The following C10orf67 variants were observed in gnomAD, a reference collection of about 807,000 sequenced individuals.
C10orf67 encodes uncharacterized protein C10orf67, mitochondrial.
Under a neutral mutation model 35.6 loss-of-function variants are expected in C10orf67, and 60 were observed. The observed-to-expected ratio is 1.68, with a 90% confidence interval of 1.37 to 2.09. The LOEUF (loss-of-function observed/expected upper bound fraction) is 2.09, where lower values mean the gene tolerates loss of function less well. C10orf67 is among the 30% of genes most tolerant of loss of function. The pLI is 0.00. For missense variants in C10orf67, 474 were observed against 330.2 expected (o/e 1.44, Z -3.38); for synonymous variants, 167 against 115.8 (o/e 1.44, Z -2.84).
chr10:23,211,229 T>C (rs373554773), intron 15 of C10orf67, among the ~76,000 whole-genome samples: 2 of 152,162 alleles, frequency 1.3e-5, no homozygotes, highest in East Asian at 3.8e-4. Flanking sequence ...ATCCTTGGCA[T>C]TCCTTGGCTT....
chr10:23,330,226 G>A (rs1845394718), intron 2 of C10orf67, among the ~76,000 whole-genome samples: 1 of 152,222 alleles, frequency 6.6e-6, no homozygotes, highest in African/African-American at 2.4e-5. Context: ...GGGAGGCCAA[G>A]GCAGGAGGAT....
At position 23,266,425 on chromosome 10, in the gene C10orf67, A is replaced by G. The variant is rs1235712441; in HGVS notation, c.1037T>C (p.Val346Ala). The G allele has an allele frequency of 5.0e-6, 2 of 398,500 alleles. No individual in the cohort carries two copies. Among genetic ancestry groups the G allele is most frequent in the Non-Finnish European group, 8.8e-6 (2 of 226,030 alleles). The allele number at this position is 398,500 out of a possible 1,614,324, so 24.7% of individuals were successfully genotyped here. A position where few individuals can be genotyped will look rare whatever the true frequency, so the allele number is the denominator to read the frequency against. ...TTCTCTCCCCTTGGCTGATCTTGCA[A>G]CCTGCCACACAAAAAGACACAACTT... ...RKKYGSLSVK[V>A]ARSAKGREAS... The change falls in exon 10 of 16, where the codon GTT becomes GCT. Residue 346 changes from valine to alanine, a missense_variant and splice_region_variant. Val to Ala is a moderately conservative substitution (Grantham distance 64, BLOSUM62 0). Coordinates refer to ENST00000636213, the MANE Select transcript of C10orf67 (RefSeq NM_001371909.1).
intron 2 of C10orf67, among the ~76,000 whole-genome samples, chr10:23,324,381 T>C (rs1025037823): frequency 1.3e-5 from 2 of 152,136 alleles, no homozygotes; most frequent in Non-Finnish European, 2.9e-5. Context: ...AGGGGTCCTT[T>C]GTTCTTCCAG....
chr10:23,323,894 AATATATAT>A (rs137983793), intron 2 of C10orf67, among the ~76,000 whole-genome samples: 518 of 42,690 alleles, frequency 0.012, 15 homozygotes, highest in Admixed American at 0.032. Flanking sequence ...ACTCCGTCTA[AATATATAT>A]ATATATATAT....
chr10:23,225,074 C>T (rs188664476), intron 13 of C10orf67, among the ~76,000 whole-genome samples: 8 of 152,228 alleles, frequency 5.3e-5, no homozygotes, highest in Admixed American at 6.5e-5. Context: ...TAGTCAGATT[C>T]ACCAAAATTG....
At chr10:23,263,990 C>T (rs1269779350) in intron 10 of C10orf67, among the ~76,000 whole-genome samples, 3 of 152,022 alleles carry the variant, frequency 2.0e-5, no homozygotes, top group Middle Eastern at 3.4e-3. Context: ...CTGTTCCCAC[C>T]GAATGACACA....
At chr10:23,306,263 C>G (rs1024478836) in intron 4 of C10orf67, among the ~76,000 whole-genome samples, 1 of 152,048 alleles carries the variant, frequency 6.6e-6, no homozygotes, top group African/African-American at 2.4e-5. Flanking sequence ...CGGTGGCTCA[C>G]GCCTGTAATC....
chr10:23,231,939 A>C (rs1240518427), intron 13 of C10orf67, among the ~76,000 whole-genome samples: 1 of 151,804 alleles, frequency 6.6e-6, no homozygotes, highest in Admixed American at 6.5e-5. Context: ...TATTTCTAGA[A>C]AGCTTAAAAA....
chr10:23,344,321 G>A (rs1465385187), intron 1 of C10orf67: 2 of 562,722 alleles, frequency 3.6e-6, no homozygotes, highest in African/African-American at 2.0e-5. Context: ...AGGAGGATGG[G>A]GAGGGAGCAC....
intron 8 of C10orf67, among the ~76,000 whole-genome samples, chr10:23,271,607 T>C (rs1292335471): frequency 6.6e-6 from 1 of 152,256 alleles, no homozygotes; most frequent in African/African-American, 2.4e-5. Flanking sequence ...TTTTAAATTT[T>C]AGCCATGCTA....
rs948457590 is a variant in C10orf67 at position 23,204,083 on chromosome 10, T to C, written c.*90A>G. On this transcript the variant is annotated 3_prime_UTR_variant, in exon 16 of 16. Transcript: ENST00000636213. ...AATTAGTTTAGAAAATCCTTGGAGA[T>C]AGTATCCTTTCCGAGGGAGGCACCT... 2 of 452,528 alleles carry C rather than the reference T, an allele frequency of 4.4e-6. No individual in the cohort carries two copies. The highest frequency in any genetic ancestry group is 4.2e-5 in the Admixed American group (1 of 23,826). 28.0% of individuals were successfully genotyped at this position (452,528 alleles called of 1,614,324 possible).
chr10:23,229,942 A>G (rs757436687), intron 13 of C10orf67, among the ~76,000 whole-genome samples: 2 of 152,090 alleles, frequency 1.3e-5, no homozygotes, highest in East Asian at 1.9e-4. Flanking sequence ...TGAAATACCA[A>G]TTAAATTTGT....
At chr10:23,319,062 T>C (rs748718447) in intron 4 of C10orf67, 1 of 654,952 alleles carries the variant, frequency 1.5e-6, no homozygotes, top group Non-Finnish European at 2.8e-6. Context: ...CATGGGTAAA[T>C]TGCACGTCAC....
At chr10:23,308,037 C>T (rs1183847469) in intron 4 of C10orf67, among the ~76,000 whole-genome samples, 3 of 152,090 alleles carry the variant, frequency 2.0e-5, no homozygotes, top group Admixed American at 6.6e-5. Context: ...CTACTAGGGC[C>T]CTTAAGTGTT....
intron 15 of C10orf67, among the ~76,000 whole-genome samples, chr10:23,212,803 GA>G (rs1841343101): frequency 6.6e-6 from 1 of 151,566 alleles, no homozygotes; most frequent in Admixed American, 6.6e-5. Flanking sequence ...GAGAGAGAGA[GA>G]GAGAGAGAGA....
intron 2 of C10orf67, among the ~76,000 whole-genome samples, chr10:23,326,674 T>C (rs10828429): frequency 0.42 from 64,351 of 151,958 alleles, 13,859 homozygotes; most frequent in African/African-American, 0.47. Context: ...GTATGTATAA[T>C]AGATGCAATA....
At chr10:23,293,417 G>T (rs1401492177) in intron 5 of C10orf67, among the ~76,000 whole-genome samples, 1 of 152,208 alleles carries the variant, frequency 6.6e-6, no homozygotes, top group African/African-American at 2.4e-5. Context: ...CAAAGGGATC[G>T]TTCTGAGCTG....
At chr10:23,265,833 G>T (rs1290987717) in intron 10 of C10orf67, among the ~76,000 whole-genome samples, 4 of 152,216 alleles carry the variant, frequency 2.6e-5, no homozygotes, top group African/African-American at 9.6e-5. Flanking sequence ...TAGAGTTCAT[G>T]CATGTCTCTG....
chr10:23,265,250 G>A (rs1353602087), intron 10 of C10orf67, among the ~76,000 whole-genome samples: 1 of 152,234 alleles, frequency 6.6e-6, no homozygotes, highest in African/African-American at 2.4e-5. Context: ...TATGAGGAGT[G>A]GTCCATCTCC....
Sources: allele counts gnomAD v4.1 joint callset (sites outside exome capture counted in the v4.1 genomes callset), GRCh38; gene constraint gnomAD v4.1.1; transcripts MANE v1.5; gene names NCBI Gene and HGNC (gene_info 2026-07-23, HGNC 2026-07-21).